The following WNT2 variants were observed in gnomAD, a reference collection of about 807,000 sequenced individuals.
The protein encoded by WNT2 is Wnt family member 2, also known as protein Wnt-2.
A neutral mutation model predicts 36.9 loss-of-function variants in WNT2; 12 were observed. The ratio of observed to expected loss-of-function variants is 0.33; its 90% CI spans 0.21 to 0.53. The LOEUF (loss-of-function observed/expected upper bound fraction) is 0.53. Ranked by LOEUF, WNT2 falls within the 20% of genes least tolerant of loss-of-function variation. WNT2 has a pLI of 0.95. For synonymous variants in WNT2, 163 were observed against 174.6 expected (o/e 0.93, Z 0.52); for missense variants, 379 against 473.1 (o/e 0.80, Z 1.84).
At chr7:117,286,082 G>A (rs1474566475) in intron 4 of WNT2, among the ~76,000 whole-genome samples, 1 of 152,052 alleles carries the variant, frequency 6.6e-6, no homozygotes, top group African/African-American at 2.4e-5. Context: ...GCCCATATGT[G>A]TTGTCATCCT....
chr7:117,276,466 T>C lies in WNT2; in HGVS notation c.*1689A>G, dbSNP rs1460025911. ...GAGGAAAGAGTCACTTTGGAAAAGT[T>C]AGACAACAATTTGGGAATGAGGGAA... On this transcript the variant is annotated 3_prime_UTR_variant, in exon 5 of 5. Coordinates refer to ENST00000265441, the MANE Select transcript of WNT2 (RefSeq NM_003391.3). Among the ~76,000 whole-genome samples the C allele has an allele frequency of 6.6e-6, 1 of 152,202 alleles. No individual in the cohort carries two copies. The highest frequency in any genetic ancestry group is 1.5e-5 in the Non-Finnish European group (1 of 68,038).
chr7:117,321,284 A>G (rs949732037), intron 1 of WNT2, among the ~76,000 whole-genome samples: 5 of 152,202 alleles, frequency 3.3e-5, no homozygotes, highest in Non-Finnish European at 7.3e-5. Flanking sequence ...TGTCTAATCA[A>G]CACCCGCTGG....
At chr7:117,291,354 C>A (rs1275735324) in intron 4 of WNT2, among the ~76,000 whole-genome samples, 1 of 152,100 alleles carries the variant, frequency 6.6e-6, no homozygotes, top group Non-Finnish European at 1.5e-5. Flanking sequence ...TGACCTCTGG[C>A]CCAGGTCAGG....
At chr7:117,298,448 G>A (rs916198518) in intron 3 of WNT2, among the ~76,000 whole-genome samples, 4 of 152,142 alleles carry the variant, frequency 2.6e-5, no homozygotes, top group Admixed American at 6.5e-5. Context: ...ACACAGCCAG[G>A]AAAAGACAGA....
intron 4 of WNT2, among the ~76,000 whole-genome samples, chr7:117,288,290 C>T (rs778803612): frequency 3.9e-5 from 6 of 152,216 alleles, no homozygotes; most frequent in Non-Finnish European, 8.8e-5. Context: ...TCAAAGGAAC[C>T]TTAGAAATTG....
intron 4 of WNT2, among the ~76,000 whole-genome samples, chr7:117,283,512 T>G (rs903065941): frequency 6.6e-6 from 1 of 152,216 alleles, no homozygotes; most frequent in African/African-American, 2.4e-5. Flanking sequence ...TCTAACTTGG[T>G]AGTCTTTCTT....
In WNT2 at chr7:117,314,456, T is replaced by C. The variant is rs975742133; in HGVS notation, c.588+615A>G. 5.3e-5 allele frequency among the ~76,000 whole-genome samples: 8 copies of C among 152,180 alleles called. No individual in the cohort carries two copies. The East Asian group carries it at 1.5e-3, about 29-fold the overall frequency. On this transcript the variant is annotated intron_variant, in intron 3 of 4. Coordinates refer to ENST00000265441, the MANE Select transcript of WNT2 (RefSeq NM_003391.3). ...CAAATGATGGTTAAAGGGTGTACAC[T>C]GACTGGAGCCCAGGAAGTTAGTCAG... is the stretch of plus-strand genomic sequence containing the variant.
rs144898264 is a variant in WNT2 at position 117,322,536 on chromosome 7, T to TAC, written c.83+369_83+370dup. Among the ~76,000 whole-genome samples the TAC allele has an allele frequency of 0.49, 62,464 of 127,706 alleles. 14,976 individuals carry two copies. Among genetic ancestry groups the TAC allele is most frequent in the Middle Eastern group, 0.56 (148 of 262 alleles). 83.8% of individuals were successfully genotyped at this position (127,706 alleles called of 152,430 possible). A position where few individuals can be genotyped will look rare whatever the true frequency, so the allele number is the denominator to read the frequency against. ...GCGGTTGTAGTTTTCAAGGTGAATT[T>TAC]ACACACACACACACACACACACACA... On this transcript the variant is annotated intron_variant, in intron 1 of 4. Transcript: ENST00000265441. The surrounding 1 kb of genome is among the most constrained non-coding windows in gnomAD (Gnocchi z 5.4).
At chr7:117,312,047 A>C (rs1431426217) in intron 3 of WNT2, among the ~76,000 whole-genome samples, 3 of 152,238 alleles carry the variant, frequency 2.0e-5, no homozygotes, top group African/African-American at 7.2e-5. Flanking sequence ...GGGCAGTAAG[A>C]CTGGAAACAT....
intron 4 of WNT2, among the ~76,000 whole-genome samples, chr7:117,296,075 A>C (rs1794784719): frequency 6.6e-6 from 1 of 152,248 alleles, no homozygotes; most frequent in Non-Finnish European, 1.5e-5. Context: ...AGACAGCAGC[A>C]TCTCCATGCT....
At chr7:117,310,493 G>A (rs1170217488) in intron 3 of WNT2, among the ~76,000 whole-genome samples, 1 of 150,998 alleles carries the variant, frequency 6.6e-6, no homozygotes, top group Non-Finnish European at 1.5e-5. Context: ...TGAGGTGGGA[G>A]GATTGCTTGA....
intron 3 of WNT2, among the ~76,000 whole-genome samples, chr7:117,301,734 ATCACAT>A (rs1794909407): frequency 6.6e-6 from 1 of 152,102 alleles, no homozygotes; most frequent in Admixed American, 6.5e-5. Flanking sequence ...TCTACTATAA[ATCACAT>A]TGTGATTTTG....
chr7:117,313,713 G>A (rs765746782), intron 3 of WNT2, among the ~76,000 whole-genome samples: 2 of 152,166 alleles, frequency 1.3e-5, no homozygotes, highest in Non-Finnish European at 2.9e-5. Context: ...TACTATCAAT[G>A]TTAGGACAAA....
intron 4 of WNT2, among the ~76,000 whole-genome samples, chr7:117,291,519 A>G (rs1368855331): frequency 6.6e-6 from 1 of 152,172 alleles, no homozygotes; most frequent in Non-Finnish European, 1.5e-5. Flanking sequence ...ACCAGAGTAG[A>G]TAACTATAGA....
chr7:117,291,120 T>A (rs904372492), intron 4 of WNT2, among the ~76,000 whole-genome samples: 1 of 152,228 alleles, frequency 6.6e-6, no homozygotes, highest in Non-Finnish European at 1.5e-5. Flanking sequence ...TGGGATTGTG[T>A]ACCCATGGGT....
chr7:117,289,788 A>G (rs76855548), intron 4 of WNT2, among the ~76,000 whole-genome samples: 1,546 of 152,268 alleles, frequency 0.01, 16 homozygotes, highest in Non-Finnish European at 0.014. Flanking sequence ...CAAATTCGCT[A>G]TACACACTGT....
chr7:117,286,754 G>A (rs551426319), intron 4 of WNT2, among the ~76,000 whole-genome samples: 1 of 91,672 alleles, frequency 1.1e-5, no homozygotes, highest in South Asian at 2.8e-4. Flanking sequence ...GGACTGCACA[G>A]CTTAAGCTAC....
chr7:117,296,588 C>T (rs544372575), intron 4 of WNT2, among the ~76,000 whole-genome samples: 1 of 152,268 alleles, frequency 6.6e-6, no homozygotes, highest in East Asian at 1.9e-4. Flanking sequence ...TGTGGACTCC[C>T]ATCACCTCCT....
intron 3 of WNT2, among the ~76,000 whole-genome samples, chr7:117,303,652 C>A (rs552101985): frequency 6.6e-6 from 1 of 152,092 alleles, no homozygotes; most frequent in Non-Finnish European, 1.5e-5. Context: ...AGTCGAGGAC[C>A]TCTGTTCTGT....
Sources: allele counts gnomAD v4.1 joint callset (sites outside exome capture counted in the v4.1 genomes callset), GRCh38; gene constraint gnomAD v4.1.1; non-coding constraint Gnocchi (gnomAD v3.1); transcripts MANE v1.5; gene names NCBI Gene and HGNC (gene_info 2026-07-23, HGNC 2026-07-21).